The following LCOR variants were observed in gnomAD, a reference collection of about 807,000 sequenced individuals.
LCOR encodes the protein ligand-dependent corepressor.
In LCOR, 14 loss-of-function variants were observed where a neutral mutation model predicts 64.4. The ratio of observed to expected loss-of-function variants is 0.22; its 90% CI spans 0.14 to 0.34. The LOEUF (loss-of-function observed/expected upper bound fraction) is 0.34, where lower values mean the gene tolerates loss of function less well. LCOR is among the 10% of genes least tolerant of loss of function. The pLI is 1.00. For synonymous variants in LCOR, 643 were observed against 642.5 expected (o/e 1.00, Z -0.01); for missense variants, 1,686 against 1,765.3 (o/e 0.96, Z 0.80).
intron 2 of LCOR, among the ~76,000 whole-genome samples, chr10:96,853,660 A>G (rs760264493): frequency 2.0e-5 from 3 of 152,086 alleles, no homozygotes; most frequent in East Asian, 1.9e-4. Context: ...AACTGGGGCA[A>G]CTAGTCTCTG....
chr10:96,979,554 A>C (rs1227216483), intron 7 of LCOR, among the ~76,000 whole-genome samples: 1 of 152,218 alleles, frequency 6.6e-6, no homozygotes, highest in African/African-American at 2.4e-5. Context: ...TTTTTAACAT[A>C]GAATGATTTC....
chr10:96,983,867 C>G lies in LCOR; in HGVS notation c.3407C>G (p.Pro1136Arg). The G allele has an allele frequency of 6.2e-7, 1 of 1,613,980 alleles. No homozygotes were observed. Among genetic ancestry groups the G allele is most frequent in the East Asian group, 2.2e-5 (1 of 44,882 alleles). Residue 1136 changes from proline (P) to arginine (R), a missense_variant, in exon 8 of 8, where the codon CCA becomes CGA. This residue lies in a region of LCOR where 1,293 missense variants were observed against 1,410.4 expected (regional missense o/e 0.92). Transcript: ENST00000421806. The surrounding 1 kb of genome is among the most constrained non-coding windows in gnomAD (Gnocchi z 4.5). ...TTGGAGAAAGAAGGACAGCCAACACCAAGAGCAAGGAACAAATCAGATAAA... is the reference window on the plus strand; with the variant it reads ...TTGGAGAAAGAAGGACAGCCAACACGAAGAGCAAGGAACAAATCAGATAAA... ...IQLEKEGQPT[P>R]RARNKSDKLK...
intron 2 of LCOR, among the ~76,000 whole-genome samples, chr10:96,849,902 G>A (rs1344861279): frequency 2.8e-5 from 4 of 140,454 alleles, no homozygotes; most frequent in Non-Finnish European, 3.0e-5. Context: ...GCTCTCTGAC[G>A]TGAAGATATT....
chr10:96,883,179 G>A (rs142374486), intron 2 of LCOR, among the ~76,000 whole-genome samples: 2,629 of 152,026 alleles, frequency 0.017, 67 homozygotes, highest in African/African-American at 0.058. Flanking sequence ...GATTACAGGC[G>A]CGTGCCACCA....
At chr10:96,871,696 G>A (rs1411018023) in intron 2 of LCOR, among the ~76,000 whole-genome samples, 6 of 151,900 alleles carry the variant, frequency 3.9e-5, no homozygotes, top group Non-Finnish European at 7.4e-5. Context: ...CAAAGTCCTG[G>A]GATTATAGGT....
At chr10:96,901,383 T>C (rs373819858) in intron 2 of LCOR, among the ~76,000 whole-genome samples, 7 of 152,312 alleles carry the variant, frequency 4.6e-5, no homozygotes, top group East Asian at 1.9e-4. Flanking sequence ...TCTAAATCTC[T>C]TTCCTCTTAT....
rs555825213 is a variant in LCOR at position 96,887,616 on chromosome 10, A to G, written c.-329-19649A>G. Among the ~76,000 whole-genome samples, 27 of 151,846 alleles carry G rather than the reference A, an allele frequency of 1.8e-4. No individual in the cohort carries two copies. In the South Asian group the frequency reaches 5.0e-3, roughly 28 times the overall value. On this transcript the variant is annotated intron_variant, in intron 2 of 7. Transcript: ENST00000421806. ...GAGCCTTGGGTCTCCTTAATATTCT[A>G]TGCAATGCAATGGAAAATATGCATA...
chr10:96,859,887 A>G (rs911847573), intron 2 of LCOR, among the ~76,000 whole-genome samples: 1 of 152,134 alleles, frequency 6.6e-6, no homozygotes, highest in East Asian at 1.9e-4. Context: ...GTACCAGCCA[A>G]ACTGAGTGGA....
At chr10:96,833,662 A>G (rs1191228598) in intron 2 of LCOR, among the ~76,000 whole-genome samples, 183 bp downstream of exon 2, 1 of 152,236 alleles carries the variant, frequency 6.6e-6, no homozygotes, top group Admixed American at 6.5e-5. Flanking sequence ...GGGGAGGCCC[A>G]GAATTCCAGC....
At chr10:96,886,904 T>A (rs1428607290) in intron 2 of LCOR, among the ~76,000 whole-genome samples, 1 of 152,232 alleles carries the variant, frequency 6.6e-6, no homozygotes, top group African/African-American at 2.4e-5. Flanking sequence ...AAAGATATGC[T>A]ACACTATTCT....
At chr10:96,846,863 C>T (rs1168215764) in intron 2 of LCOR, among the ~76,000 whole-genome samples, 2 of 152,142 alleles carry the variant, frequency 1.3e-5, no homozygotes, top group African/African-American at 2.4e-5. Flanking sequence ...AGGAGAAGAA[C>T]TTCTGCTTAA....
chr10:96,860,900 C>G (rs904185740), intron 2 of LCOR, among the ~76,000 whole-genome samples: 3 of 152,052 alleles, frequency 2.0e-5, no homozygotes, highest in African/African-American at 7.2e-5. Context: ...AAATACATGC[C>G]AATATCCTGA....
At chr10:96,977,194 T>A (rs1179917021) in intron 7 of LCOR, among the ~76,000 whole-genome samples, 2 of 152,230 alleles carry the variant, frequency 1.3e-5, no homozygotes, top group Non-Finnish European at 2.9e-5. Flanking sequence ...CAAGCTTTCA[T>A]TCAGAGCCTA....
At chr10:96,956,878 A>G (rs1847792566) in intron 7 of LCOR, 1 of 985,082 alleles carries the variant, frequency 1.0e-6, no homozygotes. Context: ...CAACTAGACT[A>G]AGATATTCAA....
At chr10:96,970,441 T>A (rs1847988903) in intron 7 of LCOR, among the ~76,000 whole-genome samples, 1 of 151,674 alleles carries the variant, frequency 6.6e-6, no homozygotes. Flanking sequence ...ACTTGAGGTA[T>A]TTTTGCCAAG....
chr10:96,936,448 A>T (rs1477814903), intron 4 of LCOR, among the ~76,000 whole-genome samples: 1 of 152,212 alleles, frequency 6.6e-6, no homozygotes, highest in African/African-American at 2.4e-5. Context: ...ACAAAACCAA[A>T]AACTGGTTTT....
chr10:96,980,709 A>G, intron 7 of LCOR, 84 bp from the exon 8 acceptor site: 1 of 600,790 alleles, frequency 1.7e-6, no homozygotes, highest in Admixed American at 3.0e-5. Flanking sequence ...AATAAAATGA[A>G]TAACGTTGGG....
At chr10:96,886,525 T>C (rs544255805) in intron 2 of LCOR, among the ~76,000 whole-genome samples, 4 of 152,346 alleles carry the variant, frequency 2.6e-5, no homozygotes, top group East Asian at 3.9e-4. Flanking sequence ...CAACAACTTA[T>C]AGTATTCTCT....
At chr10:96,879,989 G>T (rs998652193) in intron 2 of LCOR, among the ~76,000 whole-genome samples, 3 of 152,194 alleles carry the variant, frequency 2.0e-5, no homozygotes, top group African/African-American at 7.2e-5. Flanking sequence ...GATTCTGTTT[G>T]CATGTCTGGC....
Sources: gnomAD v4.1 joint callset for allele counts (sites outside exome capture counted in the v4.1 genomes callset) on GRCh38, gnomAD v4.1.1 for gene constraint, gnomAD v4.1.1 regional missense constraint, Gnocchi (gnomAD v3.1) non-coding constraint, MANE v1.5 for transcripts, NCBI Gene and HGNC (gene_info 2026-07-23, HGNC 2026-07-21) for gene names.